The following DNAH5 variants were observed in gnomAD, a reference collection of about 807,000 sequenced individuals.
DNAH5 encodes the protein axonemal beta dynein heavy chain 5.
DNAH5 carries 372 observed loss-of-function variants against 518.2 expected under a neutral mutation model. The ratio of observed to expected loss-of-function variants is 0.72; its 90% CI spans 0.66 to 0.78. The LOEUF is 0.78. Among genes scored for constraint, DNAH5 ranks in the 30% least tolerant of loss-of-function variants. DNAH5 has a pLI of 0.00. For synonymous variants in DNAH5, 2,039 were observed against 2,025.9 expected, an observed-to-expected ratio of 1.01 and a Z score of -0.17; for missense variants, 5,523 against 5,687.0, an observed-to-expected ratio of 0.97 and a Z score of 0.93.
At chr5:13,915,198 T>C (rs1205231045) in intron 9 of DNAH5, among the ~76,000 whole-genome samples, 3 of 152,124 alleles carry the variant, frequency 2.0e-5, no homozygotes, top group Non-Finnish European at 4.4e-5. Context: ...ATTAAATGAC[T>C]ATGCTGTATC....
At chr5:13,773,405 T>C (rs188089732) in intron 55 of DNAH5, among the ~76,000 whole-genome samples, 10 of 152,194 alleles carry the variant, frequency 6.6e-5, no homozygotes, top group Admixed American at 6.5e-4. Context: ...AGAATATTCT[T>C]GGTAGAGGGA....
At chr5:13,815,536 C>A (rs1162396044) in intron 42 of DNAH5, among the ~76,000 whole-genome samples, 2 of 152,188 alleles carry the variant, frequency 1.3e-5, no homozygotes, top group Non-Finnish European at 2.9e-5. Context: ...CTCCCCAGAA[C>A]CCGACCATGC....
chr5:13,853,448 C>T (rs1013043801), intron 30 of DNAH5, among the ~76,000 whole-genome samples: 4 of 152,058 alleles, frequency 2.6e-5, no homozygotes, highest in Non-Finnish European at 4.4e-5. Flanking sequence ...ATTCCAAAAA[C>T]CAGAATGCCT....
chr5:13,810,054 C>A lies in DNAH5; in HGVS notation c.7609+5G>T. On this transcript the variant is annotated splice_donor_5th_base_variant and intron_variant, in intron 45 of 78. Coordinates refer to ENST00000265104, the MANE Select transcript of DNAH5 (RefSeq NM_001369.3). ...GGTTCCGTCTGGACGGGCAGGTGTC[C>A]TCACCATCGGGCGCCACATAGTAGT... 6.4e-7 allele frequency: 1 copy of A among 1,551,396 alleles called. No individual in the cohort carries two copies.
chr5:13,893,097 T>C (rs1357734558), intron 16 of DNAH5, among the ~76,000 whole-genome samples: 1 of 152,162 alleles, frequency 6.6e-6, no homozygotes, highest in African/African-American at 2.4e-5. Context: ...GCTATTTAAA[T>C]AGCTGGACCT....
At position 13,864,429 on chromosome 5, in the gene DNAH5, C is replaced by T. The variant is rs1768924522; in HGVS notation, c.4564G>A (p.Ala1522Thr). Residue 1522 changes from alanine (A) to threonine (T), a missense_variant, in exon 28 of 79, where the codon GCA becomes ACA. By Grantham distance (58) the Ala-to-Thr change is moderately conservative. Transcript: ENST00000265104. The part of the protein sequence containing the change: ...ESFKLRNIME[A>T]PLLKYKEEIE... ...TCCTCTTTATATTTCAGAAGAGGTGCCTCCATGATATTTCTTAACTTAAAG... is the reference window on the plus strand; with the variant it reads ...TCCTCTTTATATTTCAGAAGAGGTGTCTCCATGATATTTCTTAACTTAAAG... 6.2e-7 allele frequency: 1 copy of T among 1,613,930 alleles called. No homozygotes were observed. Among genetic ancestry groups the T allele is most frequent in the Non-Finnish European group, 8.5e-7 (1 of 1,179,956 alleles).
chr5:13,928,120 T>C lies in DNAH5; in HGVS notation c.251A>G (p.Tyr84Cys), dbSNP rs780968511. 23 of 1,613,878 alleles carry C rather than the reference T, an allele frequency of 1.4e-5. No homozygotes were observed. The highest frequency in any genetic ancestry group is 1.2e-4 in the South Asian group (11 of 91,086). ...TGTTTCTGCTTCCTCCACATCTTGATAGTAAAACATGAGGTGTCGGAGACC... is the reference window on the plus strand; with the variant it reads ...TGTTTCTGCTTCCTCCACATCTTGACAGTAAAACATGAGGTGTCGGAGACC... ...VGGLRHLMFY[Y>C]QDVEEAETGQ... Residue 84 changes from tyrosine (Y) to cysteine (C), a missense_variant, in exon 3 of 79, where the codon TAT becomes TGT. This residue lies in a region of DNAH5 where 5,121 missense variants were observed against 5,223.3 expected (regional missense o/e 0.98). Coordinates refer to ENST00000265104, the MANE Select transcript of DNAH5 (RefSeq NM_001369.3).
intron 13 of DNAH5, 113 bp downstream of exon 13, chr5:13,901,940 C>T (rs1774684062): frequency 2.5e-6 from 2 of 802,002 alleles, no homozygotes; most frequent in Non-Finnish European, 4.0e-6. Context: ...ACCCAAATTG[C>T]CAAGAGAGGT....
At chr5:13,856,578 G>T (rs1296659850) in intron 30 of DNAH5, among the ~76,000 whole-genome samples, 1 of 151,982 alleles carries the variant, frequency 6.6e-6, no homozygotes, top group Non-Finnish European at 1.5e-5. Context: ...AGAAAATTTA[G>T]GCCAATATCT....
intron 52 of DNAH5, among the ~76,000 whole-genome samples, chr5:13,781,368 G>A (rs796905550): frequency 9.2e-5 from 14 of 152,262 alleles, no homozygotes; most frequent in African/African-American, 1.4e-4. Flanking sequence ...ACAGGGCATC[G>A]TCGTTGATGA....
At chr5:13,876,640 T>A (rs548253189) in intron 22 of DNAH5, 44 bp downstream of exon 22, 5 of 1,605,934 alleles carry the variant, frequency 3.1e-6, no homozygotes, top group Non-Finnish European at 4.3e-6. Flanking sequence ...CACAAGTGCA[T>A]GTTGCAAAGC....
chr5:13,758,770 CCACA>C, intron 61 of DNAH5, 72 bp downstream of exon 61: 1 of 1,607,324 alleles, frequency 6.2e-7, no homozygotes, highest in Non-Finnish European at 8.5e-7. Context: ...CAGTGAAACC[CCACA>C]AGAACCCAAA....
Position 13,913,790 on chromosome 5 carries a change from G to C in DNAH5, c.1489C>G (p.Gln497Glu). Residue 497 changes from glutamine (Q) to glutamate (E), a missense_variant, in exon 11 of 79, where the codon CAA (glutamine) becomes GAA (glutamate). By Grantham distance (29) the Gln-to-Glu change is conservative. Transcript: ENST00000265104. ...TCCAGCCCTTCAATTGTGGAATCTT[G>C]CAGGACTGAATACGTCTTGAGGGTT... is the stretch of plus-strand genomic sequence containing the variant. The part of the protein sequence containing the change: ...FTTLKTYSVL[Q>E]DSTIEGLEDM... 1 of 1,613,576 alleles carries C rather than the reference G, an allele frequency of 6.2e-7. No individual in the cohort carries two copies. The highest frequency in any genetic ancestry group is 8.5e-7 in the Non-Finnish European group (1 of 1,179,558).
chr5:13,816,124 T>C (rs1258373029), intron 42 of DNAH5, among the ~76,000 whole-genome samples: 2 of 152,144 alleles, frequency 1.3e-5, no homozygotes, highest in African/African-American at 2.4e-5. Context: ...AGTACCAGAC[T>C]GAGAACTGGC....
At chr5:13,882,666 C>A in intron 21 of DNAH5, 62 bp downstream of exon 21, 1 of 1,324,714 alleles carries the variant, frequency 7.5e-7, no homozygotes, top group South Asian at 1.2e-5. Context: ...GGTTAAAAAA[C>A]ATTTAAGCTC....
chr5:13,791,203 T>C (rs1289095387), intron 50 of DNAH5, among the ~76,000 whole-genome samples: 1 of 152,214 alleles, frequency 6.6e-6, no homozygotes, highest in African/African-American at 2.4e-5. Context: ...ATGAACAGTT[T>C]TGTTGATAAT....
At chr5:13,806,429 T>G (rs532542726) in intron 47 of DNAH5, among the ~76,000 whole-genome samples, 1 of 152,290 alleles carries the variant, frequency 6.6e-6, no homozygotes, top group South Asian at 2.1e-4. Flanking sequence ...TCTTAGTGTA[T>G]TGGCACTCCG....
At chr5:13,828,328 T>C (rs1392133374) in intron 38 of DNAH5, among the ~76,000 whole-genome samples, 2 of 152,250 alleles carry the variant, frequency 1.3e-5, no homozygotes, top group Admixed American at 1.3e-4. Flanking sequence ...AGATTATATA[T>C]GTTAGGAAGT....
At chr5:13,708,064 A>G in intron 76 of DNAH5, 59 bp downstream of exon 76, 1 of 1,565,062 alleles carries the variant, frequency 6.4e-7, no homozygotes, top group Non-Finnish European at 8.8e-7. Context: ...TCCACTTGCC[A>G]ATTACAACTC....
Sources: allele counts gnomAD v4.1 joint callset (sites outside exome capture counted in the v4.1 genomes callset), GRCh38; gene constraint gnomAD v4.1.1; regional missense constraint gnomAD v4.1.1; transcripts MANE v1.5; gene names NCBI Gene and HGNC (gene_info 2026-07-23, HGNC 2026-07-21).